Variants in PDE4D observed in about 807,000 individuals in gnomAD.
The protein encoded by PDE4D is phosphodiesterase 4D, also known as 3',5'-cyclic-AMP phosphodiesterase 4D.
PDE4D carries 24 observed loss-of-function variants against 87.4 expected under a neutral mutation model. The observed-to-expected ratio is 0.27, with a 90% CI of 0.20 to 0.39. PDE4D has a LOEUF of 0.39. Ranked by LOEUF, PDE4D falls within the 10% of genes least tolerant of loss-of-function variation. The pLI is 1.00. For synonymous variants in PDE4D, 384 were observed against 383.2 expected (o/e 1.00, Z -0.02); for missense variants, 714 against 1,041.0 (o/e 0.69, Z 4.32).
chr5:59,222,088 C>T (rs1308218285), intron 1 of PDE4D, among the ~76,000 whole-genome samples: 1 of 152,072 alleles, frequency 6.6e-6, no homozygotes, highest in Non-Finnish European at 1.5e-5. Flanking sequence ...GGAACCAGCC[C>T]CCTACAAGAA....
chr5:60,044,619 G>GT (rs1416111434), intron 2 of PDE4D, among the ~76,000 whole-genome samples: 1 of 151,884 alleles, frequency 6.6e-6, no homozygotes, highest in Non-Finnish European at 1.5e-5. Context: ...GCGGTGTTTG[G>GT]TTTTTTGTTC....
chr5:59,832,957 C>T (rs944009775), intron 1 of PDE4D, among the ~76,000 whole-genome samples: 2 of 151,706 alleles, frequency 1.3e-5, no homozygotes, highest in African/African-American at 2.4e-5. Flanking sequence ...CCGGAAGGAA[C>T]GTAAGGATGA....
chr5:59,923,786 A>G (rs1754950438), intron 3 of PDE4D, among the ~76,000 whole-genome samples: 2 of 152,226 alleles, frequency 1.3e-5, no homozygotes, highest in Admixed American at 1.3e-4. Flanking sequence ...CCAGGCTGCA[A>G]AGACTACACT....
At chr5:59,589,635 A>C (rs1024364495) in intron 1 of PDE4D, among the ~76,000 whole-genome samples, 2 of 152,110 alleles carry the variant, frequency 1.3e-5, no homozygotes, top group Non-Finnish European at 2.9e-5. Context: ...ATTTTATTCT[A>C]CTCTGTTCAT....
intron 1 of PDE4D, among the ~76,000 whole-genome samples, chr5:60,246,648 T>C (rs1747815798): frequency 2.6e-5 from 4 of 151,910 alleles, no homozygotes. Flanking sequence ...TATTTTTTCT[T>C]ATATTTATAA....
At chr5:59,490,377 T>C (rs1348964487) in intron 1 of PDE4D, among the ~76,000 whole-genome samples, 1 of 152,196 alleles carries the variant, frequency 6.6e-6, no homozygotes, top group Non-Finnish European at 1.5e-5. Context: ...AATTGCTCAG[T>C]CAAATGCTTT....
chr5:59,964,696 T>C (rs903119264), intron 3 of PDE4D, among the ~76,000 whole-genome samples: 1 of 152,140 alleles, frequency 6.6e-6, no homozygotes, highest in Non-Finnish European at 1.5e-5. Context: ...ATTACTGCAG[T>C]AGCTTCCTGA....
intron 1 of PDE4D, among the ~76,000 whole-genome samples, chr5:59,390,708 T>C (rs932377521): frequency 7.2e-5 from 11 of 152,064 alleles, no homozygotes; most frequent in African/African-American, 2.7e-4. Context: ...TATGAAGAAC[T>C]TTAAGGTTTG....
intron 2 of PDE4D, among the ~76,000 whole-genome samples, chr5:60,002,041 C>T (rs1764073316): frequency 1.3e-5 from 2 of 151,758 alleles, no homozygotes; most frequent in Non-Finnish European, 2.9e-5. Flanking sequence ...AGTAATAACT[C>T]CTTACCTATA....
intron 2 of PDE4D, among the ~76,000 whole-genome samples, chr5:59,194,990 T>A (rs1447310202): frequency 6.6e-6 from 1 of 151,940 alleles, no homozygotes; most frequent in Non-Finnish European, 1.5e-5. Context: ...ATCATAAGAG[T>A]GGGTTGTTAT....
At chr5:59,928,257 A>G (rs761596834) in intron 3 of PDE4D, among the ~76,000 whole-genome samples, 79 of 152,332 alleles carry the variant, frequency 5.2e-4, no homozygotes, top group Non-Finnish European at 9.4e-4. Flanking sequence ...CTTTGGGCAC[A>G]CAGAATCTGA....
intron 1 of PDE4D, among the ~76,000 whole-genome samples, chr5:60,287,360 G>T (rs73104768): frequency 6.6e-6 from 1 of 152,168 alleles, no homozygotes; most frequent in Non-Finnish European, 1.5e-5. Flanking sequence ...CTCCACCCTC[G>T]TATTGCTGTG....
chr5:60,391,266 C>T (rs1214894936), intron 1 of PDE4D, among the ~76,000 whole-genome samples: 1 of 152,148 alleles, frequency 6.6e-6, no homozygotes, highest in Non-Finnish European at 1.5e-5. Context: ...ACAGGGGGCT[C>T]CCAGTCACAC....
intron 1 of PDE4D, among the ~76,000 whole-genome samples, chr5:59,825,756 A>C (rs1770248503): frequency 6.6e-6 from 1 of 152,170 alleles, no homozygotes; most frequent in Admixed American, 6.5e-5. Flanking sequence ...GTACTTTAAC[A>C]ACCACTGCAT....
intron 2 of PDE4D, among the ~76,000 whole-genome samples, chr5:60,022,023 T>C (rs1289370648): frequency 6.6e-6 from 1 of 152,220 alleles, no homozygotes; most frequent in Non-Finnish European, 1.5e-5. Context: ...GAATATTGCA[T>C]GTTTTTGTGT....
At chr5:60,417,177 A>AG (rs1468276272) in intron 1 of PDE4D, among the ~76,000 whole-genome samples, 2 of 152,242 alleles carry the variant, frequency 1.3e-5, no homozygotes, top group Non-Finnish European at 2.9e-5. Context: ...AAGTGTGCCC[A>AG]GAGAACAGCC....
chr5:60,204,734 T>G (rs1742306892), intron 1 of PDE4D, among the ~76,000 whole-genome samples: 1 of 152,188 alleles, frequency 6.6e-6, no homozygotes, highest in Non-Finnish European at 1.5e-5. Context: ...CTTTTAGTAC[T>G]TGAAGGTGGG....
At chr5:60,322,485 C>T (rs1756400923) in intron 1 of PDE4D, among the ~76,000 whole-genome samples, 1 of 151,752 alleles carries the variant, frequency 6.6e-6, no homozygotes, top group South Asian at 2.1e-4. Context: ...GTCCCCTCAC[C>T]TTCAGCCAAT....
chr5:59,383,195 G>A (rs72767759), intron 1 of PDE4D, among the ~76,000 whole-genome samples: 5,342 of 152,118 alleles, frequency 0.035, 141 homozygotes, highest in Admixed American at 0.075. Context: ...CTGAGAGTAT[G>A]GCAGTCTTTA....
Sources: gnomAD v4.1 joint callset for allele counts (sites outside exome capture counted in the v4.1 genomes callset) on GRCh38, gnomAD v4.1.1 for gene constraint, MANE v1.5 for transcripts, NCBI Gene and HGNC (gene_info 2026-07-23, HGNC 2026-07-21) for gene names.